LRMDA: variants seen among roughly 807,000 people sequenced by gnomAD.
LRMDA encodes the protein leucine-rich melanocyte differentiation-associated protein.
A neutral mutation model predicts 29.8 loss-of-function variants in LRMDA; 18 were observed. The observed-to-expected ratio is 0.60, with a 90% CI of 0.42 to 0.90. The LOEUF (loss-of-function observed/expected upper bound fraction) is 0.90. Among genes scored for constraint, LRMDA ranks in the 40% least tolerant of loss-of-function variants. The pLI is 0.00. For missense variants in LRMDA, 273 were observed against 273.9 expected, an observed-to-expected ratio of 1.00 and a Z score of 0.02; for synonymous variants, 125 against 109.4, an observed-to-expected ratio of 1.14 and a Z score of -0.89.
chr10:75,701,476 T>C (rs571680037), intron 2 of LRMDA, among the ~76,000 whole-genome samples: 1 of 152,344 alleles, frequency 6.6e-6, no homozygotes, highest in South Asian at 2.1e-4. Flanking sequence ...TCACTCCAAG[T>C]GTTAGCAATA....
intron 2 of LRMDA, among the ~76,000 whole-genome samples, chr10:75,561,124 T>C (rs927343298): frequency 1.3e-5 from 2 of 151,666 alleles, no homozygotes; most frequent in African/African-American, 4.8e-5. Flanking sequence ...AGTTCCTCCT[T>C]GTACCTCTGG....
At chr10:75,490,644 A>G (rs1404375031) in intron 2 of LRMDA, among the ~76,000 whole-genome samples, 4 of 152,188 alleles carry the variant, frequency 2.6e-5, no homozygotes, top group Admixed American at 2.0e-4. Flanking sequence ...CCAGAGAGGC[A>G]TTGATTATCC....
At chr10:75,457,221 C>G (rs1406173312) in intron 2 of LRMDA, among the ~76,000 whole-genome samples, 1 of 152,202 alleles carries the variant, frequency 6.6e-6, no homozygotes, top group Non-Finnish European at 1.5e-5. Context: ...ACTACAAAGT[C>G]GACTGTTAGC....
At chr10:76,018,138 GAGC>G (rs1847909173) in intron 2 of LRMDA, among the ~76,000 whole-genome samples, 1 of 152,228 alleles carries the variant, frequency 6.6e-6, no homozygotes, top group Non-Finnish European at 1.5e-5. Context: ...AAAGGAAGCA[GAGC>G]AGTTTGCCCG....
chr10:76,086,117 G>A (rs1165115680), intron 5 of LRMDA, among the ~76,000 whole-genome samples: 1 of 152,144 alleles, frequency 6.6e-6, no homozygotes, highest in Non-Finnish European at 1.5e-5. Flanking sequence ...TTTTTTTCTA[G>A]TTCCTCGCCT....
chr10:75,879,759 G>C (rs1232138731), intron 2 of LRMDA, among the ~76,000 whole-genome samples: 1 of 152,146 alleles, frequency 6.6e-6, no homozygotes, highest in Non-Finnish European at 1.5e-5. Flanking sequence ...GTGATTCTCA[G>C]CTCTGAATGT....
chr10:75,775,279 A>G (rs757693671), intron 2 of LRMDA, among the ~76,000 whole-genome samples: 5 of 152,144 alleles, frequency 3.3e-5, no homozygotes, highest in Admixed American at 6.5e-5. Context: ...GGGTCTTGCT[A>G]TGTTGCCCAG....
intron 6 of LRMDA, among the ~76,000 whole-genome samples, chr10:76,534,254 G>T (rs1843268330): frequency 6.6e-6 from 1 of 152,150 alleles, no homozygotes; most frequent in Non-Finnish European, 1.5e-5. Flanking sequence ...TGCTTTTGGG[G>T]TACCAAGCTA....
chr10:76,124,654 A>AGC lies in LRMDA; in HGVS notation c.516+65872_516+65873dup, dbSNP rs1279014221. Among the ~76,000 whole-genome samples the AGC allele has an allele frequency of 5.3e-5, 8 of 152,252 alleles. No individual in the cohort carries two copies. The East Asian group carries it at 1.5e-3, about 29-fold the overall frequency. On this transcript the variant is annotated intron_variant, in intron 5 of 6. Coordinates refer to ENST00000611255, the MANE Select transcript of LRMDA (RefSeq NM_001305581.2). Reference sequence around the variant, plus strand: ...AGGCCCCTGTGGGTGTCCTGAATCCAGCCCCTTGGCCACACAGTAGGGTTT... The same window carrying AGC: ...AGGCCCCTGTGGGTGTCCTGAATCCAGCGCCCCTTGGCCACACAGTAGGGTTT...
At chr10:76,541,757 A>G (rs111982810) in intron 6 of LRMDA, among the ~76,000 whole-genome samples, 2 of 152,090 alleles carry the variant, frequency 1.3e-5, no homozygotes, top group Non-Finnish European at 2.9e-5. Flanking sequence ...AGTCCAGAGT[A>G]GTTTAAAACG....
rs75438732 is a variant in LRMDA at position 76,453,943 on chromosome 10, A to T, written c.602-103266A>T. 9.1e-3 allele frequency among the ~76,000 whole-genome samples: 1,389 copies of T among 152,322 alleles called. 18 individuals are homozygous for T. Among genetic ancestry groups the T allele is most frequent in the African/African-American group, 0.032 (1,333 of 41,584 alleles). ...ACATTACATTTAATCCTCAAAACTC[A>T]TTTCAAAGTTCATGTCGTGAACGTT... On this transcript the variant is annotated intron_variant, in intron 6 of 6. Transcript: ENST00000611255.
At chr10:76,391,630 T>C (rs763761429) in intron 6 of LRMDA, among the ~76,000 whole-genome samples, 1 of 152,166 alleles carries the variant, frequency 6.6e-6, no homozygotes, top group Non-Finnish European at 1.5e-5. Flanking sequence ...TAATTTTTGG[T>C]AGTGAAAATT....
In LRMDA at chr10:76,023,008, G is replaced by A. The variant is rs539591628; in HGVS notation, c.132-13000G>A. Among the ~76,000 whole-genome samples the A allele has an allele frequency of 5.9e-5, 9 of 151,398 alleles. 1 individual carries two copies. In the South Asian group the frequency reaches 1.3e-3, roughly 21 times the overall value. On this transcript the variant is annotated intron_variant, in intron 2 of 6. Transcript: ENST00000611255. ...TAACCAATGGTTAATGTCTACTCTC[G>A]GTATATGTAATTCTCAGCCTTTCTG...
chr10:76,249,492 A>G (rs899299735), intron 5 of LRMDA, among the ~76,000 whole-genome samples: 24 of 152,202 alleles, frequency 1.6e-4, no homozygotes, highest in African/African-American at 5.3e-4. Flanking sequence ...AAGGAAGAGG[A>G]ATCCACTCTT....
At chr10:76,052,350 T>G (rs1197568008) in intron 4 of LRMDA, among the ~76,000 whole-genome samples, 1 of 152,198 alleles carries the variant, frequency 6.6e-6, no homozygotes, top group Admixed American at 6.5e-5. Flanking sequence ...AAAAAACATG[T>G]CAGCCAACCC....
intron 6 of LRMDA, among the ~76,000 whole-genome samples, chr10:76,483,112 A>C (rs1842748044): frequency 6.6e-6 from 1 of 151,976 alleles, no homozygotes; most frequent in Non-Finnish European, 1.5e-5. Flanking sequence ...CAAGTTCTGC[A>C]TCAGATTATG....
At chr10:76,190,683 A>T (rs1390301490) in intron 5 of LRMDA, among the ~76,000 whole-genome samples, 1 of 152,202 alleles carries the variant, frequency 6.6e-6, no homozygotes, top group Non-Finnish European at 1.5e-5. Context: ...AATGCATTGA[A>T]GTGTTTCTAA....
intron 2 of LRMDA, among the ~76,000 whole-genome samples, chr10:75,612,612 CTTAT>C (rs1235192170): frequency 6.7e-6 from 1 of 148,806 alleles, no homozygotes; most frequent in Non-Finnish European, 1.5e-5. Flanking sequence ...AAAGAGTTTG[CTTAT>C]TTATTTACTT....
chr10:76,274,112 T>C (rs955748031), intron 5 of LRMDA, among the ~76,000 whole-genome samples: 2 of 152,188 alleles, frequency 1.3e-5, no homozygotes, highest in Admixed American at 6.5e-5. Flanking sequence ...GAGTCATTCA[T>C]AGTATATCCT....
Sources: allele counts gnomAD v4.1 joint callset (sites outside exome capture counted in the v4.1 genomes callset), GRCh38; gene constraint gnomAD v4.1.1; transcripts MANE v1.5; gene names NCBI Gene and HGNC (gene_info 2026-07-23, HGNC 2026-07-21).